Variants in KCNN2 observed in about 807,000 individuals in gnomAD.
KCNN2 encodes the protein potassium calcium-activated channel subfamily N member 2.
A neutral mutation model predicts 55.5 loss-of-function variants in KCNN2; 24 were observed. That is an observed-to-expected ratio of 0.43 (90% CI 0.31 to 0.61). KCNN2 has a LOEUF of 0.61. Ranked by LOEUF, KCNN2 falls within the 20% of genes least tolerant of loss-of-function variation. The probability of loss-of-function intolerance (pLI) is 0.08; values close to 1 mark genes in which losing one functional copy is unlikely to be tolerated. For missense variants in KCNN2, 754 were observed against 853.6 expected (o/e 0.88, Z 1.45); for synonymous variants, 431 against 336.1 (o/e 1.28, Z -3.09).
chr5:114,128,539 C>A (rs1207671194), intron 1 of KCNN2, among the ~76,000 whole-genome samples: 1 of 152,168 alleles, frequency 6.6e-6, no homozygotes, highest in African/African-American at 2.4e-5. Context: ...CACAGCCAAA[C>A]CATTTCAGTC....
intron 1 of KCNN2, among the ~76,000 whole-genome samples, chr5:114,095,440 T>A: frequency 6.6e-6 from 1 of 152,142 alleles, no homozygotes; most frequent in East Asian, 1.9e-4. Context: ...GAGAAGAAGG[T>A]AACTTGGACT....
At chr5:114,077,027 T>G (rs1459898452) in intron 1 of KCNN2, among the ~76,000 whole-genome samples, 2 of 152,044 alleles carry the variant, frequency 1.3e-5, no homozygotes, top group African/African-American at 2.4e-5. Context: ...ATGAAAAGCC[T>G]AAGGTATGTT....
chr5:114,459,092 TAGTC>T (rs1185881084), intron 3 of KCNN2, among the ~76,000 whole-genome samples: 5 of 151,914 alleles, frequency 3.3e-5, no homozygotes, highest in South Asian at 2.1e-4. Context: ...GTGAGACCCT[TAGTC>T]AGCAATGAAT....
rs1479130578 is a variant in KCNN2, at chr5:114,437,824, ATAT to A, written c.1638-25223_1638-25221del. Among the ~76,000 whole-genome samples, 3 of 152,138 alleles carry A rather than the reference ATAT, an allele frequency of 2.0e-5. No individual in the cohort carries two copies. In the East Asian group the frequency reaches 5.8e-4, roughly 29 times the overall value. ...AGTCACGTGTCTATTTGCCTGGGTG[ATAT>A]TTGAGTAAGATTTTTTCTGGATCGT... is the stretch of plus-strand genomic sequence containing the variant. On this transcript the variant is annotated intron_variant, in intron 3 of 7. Transcript: ENST00000673685.
At position 114,382,730 on chromosome 5, in the gene KCNN2, T is replaced by A. The variant is rs560556276; in HGVS notation, c.1218+18729T>A. On this transcript the variant is annotated intron_variant, in intron 2 of 7. Transcript: ENST00000673685. The stretch of plus-strand genomic sequence containing the variant: ...TTCCCATTTGTGCCACAAAATAAAC[T>A]TTCTACCAAAAAACAAATGGATGGA... 2.0e-5 allele frequency among the ~76,000 whole-genome samples: 3 copies of A among 152,300 alleles called. No homozygotes were observed. In the South Asian group the frequency reaches 6.2e-4, roughly 32 times the overall value.
chr5:114,254,501 C>T lies in KCNN2; in HGVS notation c.-185+32936C>T, dbSNP rs571845177. On this transcript the variant is annotated intron_variant, in intron 2 of 10. Transcript: ENST00000512097. ...CACCTGAGTATAGGTCATCTAATTT[C>T]TGCAGAAAGGTCTTCAAAAACTCTT... Among the ~76,000 whole-genome samples the T allele has an allele frequency of 4.7e-4, 72 of 152,258 alleles. 1 individual carries two copies. The highest frequency in any genetic ancestry group is 1.7e-3 in the African/African-American group (69 of 41,550).
chr5:114,334,494 C>T (rs1011728397), intron 2 of KCNN2, among the ~76,000 whole-genome samples: 8 of 151,832 alleles, frequency 5.3e-5, no homozygotes, highest in East Asian at 3.9e-4. Flanking sequence ...CATATATATA[C>T]GCACATACAT....
At chr5:114,063,531 T>C (rs1750376081) in intron 1 of KCNN2, among the ~76,000 whole-genome samples, 1 of 152,132 alleles carries the variant, frequency 6.6e-6, no homozygotes, top group South Asian at 2.1e-4. Flanking sequence ...TAACAAAGGC[T>C]CCCAGGTGAT....
At chr5:114,323,649 A>ATTTTTTTTTCT (rs1756656338) in intron 2 of KCNN2, among the ~76,000 whole-genome samples, 2 of 85,318 alleles carry the variant, frequency 2.3e-5, no homozygotes, top group Non-Finnish European at 4.5e-5. Context: ...AAACATATCA[A>ATTTTTTTTTCT]TTTTTTTTTT....
chr5:114,396,661 G>GC (rs1389963780), intron 2 of KCNN2, among the ~76,000 whole-genome samples: 1 of 151,310 alleles, frequency 6.6e-6, no homozygotes, highest in African/African-American at 2.4e-5. Flanking sequence ...TGATTCTCCT[G>GC]CCTCAGCCTC....
chr5:114,062,798 A>T (rs578247329), intron 1 of KCNN2, among the ~76,000 whole-genome samples: 1 of 152,334 alleles, frequency 6.6e-6, no homozygotes, highest in Non-Finnish European at 1.5e-5. Context: ...CATTGAATAT[A>T]AACAGGTAAG....
intron 2 of KCNN2, among the ~76,000 whole-genome samples, chr5:114,393,272 G>T (rs1050779253): frequency 2.6e-5 from 4 of 152,150 alleles, no homozygotes; most frequent in African/African-American, 9.6e-5. Flanking sequence ...GGTTAACCAA[G>T]ACATCTTATT....
At chr5:114,161,658 T>C (rs1752786882) in intron 1 of KCNN2, among the ~76,000 whole-genome samples, 1 of 152,190 alleles carries the variant, frequency 6.6e-6, no homozygotes, top group Non-Finnish European at 1.5e-5. Flanking sequence ...GTAGATTTGG[T>C]CTTTTCACAT....
chr5:114,438,341 T>G (rs191825248), intron 3 of KCNN2, among the ~76,000 whole-genome samples: 2 of 152,306 alleles, frequency 1.3e-5, no homozygotes, highest in Admixed American at 1.3e-4. Context: ...TCCATGTGAC[T>G]AGATGGAATT....
At chr5:114,092,848 G>A (rs1751172621) in intron 1 of KCNN2, among the ~76,000 whole-genome samples, 1 of 152,202 alleles carries the variant, frequency 6.6e-6, no homozygotes, top group Admixed American at 6.5e-5. Flanking sequence ...GCACAAAGCA[G>A]CAAGGCCTTG....
At chr5:114,424,315 G>A (rs756282276) in intron 3 of KCNN2, among the ~76,000 whole-genome samples, 1 of 152,154 alleles carries the variant, frequency 6.6e-6, no homozygotes, top group Non-Finnish European at 1.5e-5. Context: ...TCAGAAGCAT[G>A]ATCCTGACCT....
At chr5:114,163,547 A>T (rs544879813) in intron 1 of KCNN2, among the ~76,000 whole-genome samples, 1 of 152,148 alleles carries the variant, frequency 6.6e-6, no homozygotes, top group Non-Finnish European at 1.5e-5. Flanking sequence ...TGAGATCATC[A>T]TGTGGTTTTT....
chr5:114,398,752 TTTCATC>T (rs1758696506), intron 2 of KCNN2, among the ~76,000 whole-genome samples: 1 of 152,132 alleles, frequency 6.6e-6, no homozygotes, highest in African/African-American at 2.4e-5. Flanking sequence ...CACAGAGATC[TTTCATC>T]TTCTTGTTTG....
At chr5:114,280,314 A>G (rs1220321014) in intron 2 of KCNN2, among the ~76,000 whole-genome samples, 1 of 152,022 alleles carries the variant, frequency 6.6e-6, no homozygotes, top group Non-Finnish European at 1.5e-5. Context: ...ATTAGACCCC[A>G]TTTGTCAATT....
Sources: allele counts gnomAD v4.1 joint callset (sites outside exome capture counted in the v4.1 genomes callset), GRCh38; gene constraint gnomAD v4.1.1; transcripts MANE v1.5; gene names NCBI Gene and HGNC (gene_info 2026-07-23, HGNC 2026-07-21).